LEMD1: variants seen among roughly 807,000 people sequenced by gnomAD.
LEMD1 encodes the protein LEM domain containing 1, also known as LEM domain-containing protein 1.
LEMD1 carries 18 observed loss-of-function variants against 17.4 expected under a neutral mutation model. The ratio of observed to expected loss-of-function variants is 1.04; its 90% confidence interval spans 0.72 to 1.54. The LOEUF is 1.54. Among genes scored for constraint, LEMD1 ranks in the 40% most tolerant of loss-of-function variants. The pLI is 0.00. For synonymous variants in LEMD1, 88 were observed against 77.8 expected, an observed-to-expected ratio of 1.13 and a Z score of -0.69; for missense variants, 195 against 210.4, an observed-to-expected ratio of 0.93 and a Z score of 0.45.
At chr1:205,392,947 C>T (rs538921237) in intron 4 of LEMD1, among the ~76,000 whole-genome samples, 2 of 152,142 alleles carry the variant, frequency 1.3e-5, no homozygotes, top group African/African-American at 2.4e-5. Flanking sequence ...TAATAAAGGA[C>T]ATTATCAAGA....
chr1:205,381,734 T>C lies in LEMD1; in HGVS notation c.470A>G (p.Lys157Arg). 1.2e-6 allele frequency: 2 copies of C among 1,614,252 alleles called. No individual in the cohort carries two copies. Among genetic ancestry groups the C allele is most frequent in the Non-Finnish European group, 1.7e-6 (2 of 1,180,038 alleles). ...GATGAAAATACCAAGCACAGCAAGC[T>C]TCAAGCCCACTGGGAAACCTTCTTC... is the stretch of plus-strand genomic sequence containing the variant. ...WREEGFPVGL[K>R]LAVLGIFIIV... Residue 157 changes from lysine to arginine, a missense_variant, in exon 6 of 6, where the codon AAG (lysine) becomes AGG (arginine). Coordinates refer to ENST00000367153, the MANE Select transcript of LEMD1 (RefSeq NM_001199050.2).
rs756376325 is a variant in LEMD1 at position 205,381,792 on chromosome 1, A to G, written c.412T>C (p.Cys138Arg). The G allele has an allele frequency of 1.2e-6, 2 of 1,614,136 alleles. No homozygotes were observed. Among genetic ancestry groups the G allele is most frequent in the Non-Finnish European group, 1.7e-6 (2 of 1,180,018 alleles). The change falls in exon 6 of 6, where the codon TGC (cysteine) becomes CGC (arginine). Residue 138 changes from cysteine (C) to arginine (R), a missense_variant. Cys to Arg is a radical substitution (Grantham distance 180). Transcript: ENST00000367153. ...CTCTCGATAGTCTGGTCTTCCGCGC[A>G]GTAGTCTCTCTCTTTGGTGATAGTC... is the stretch of plus-strand genomic sequence containing the variant. The part of the protein sequence containing the change: ...YGTITKERDY[C>R]AEDQTIESWR...
At chr1:205,434,296 C>G (rs962358976) in intron 1 of LEMD1, among the ~76,000 whole-genome samples, 1 of 149,818 alleles carries the variant, frequency 6.7e-6, no homozygotes, top group African/African-American at 2.4e-5. Context: ...CTCAGCCTCC[C>G]AAGTAGCTGG....
chr1:205,409,878 T>A (rs192827223), intron 4 of LEMD1, among the ~76,000 whole-genome samples: 1 of 152,280 alleles, frequency 6.6e-6, no homozygotes, highest in Admixed American at 6.5e-5. Context: ...GTTCAAGTGA[T>A]TCTCCTGCCT....
chr1:205,415,883 C>T (rs1665671923), intron 4 of LEMD1, among the ~76,000 whole-genome samples: 1 of 152,160 alleles, frequency 6.6e-6, no homozygotes, highest in Non-Finnish European at 1.5e-5. Context: ...GATGGAAACT[C>T]ACATTTATTC....
rs1663715817 is a variant in LEMD1 at position 205,381,865 on chromosome 1, A to G, written c.348-9T>C. ...GTGCTCTTGCAGCCCACCTGTGAAA[A>G]CATCAGTGGCTCTTAGGATTGTGGA... On this transcript the variant is annotated splice_polypyrimidine_tract_variant and intron_variant, in intron 5 of 5. Transcript: ENST00000367153. 2.5e-6 allele frequency: 4 copies of G among 1,613,890 alleles called. No homozygotes were observed. Among genetic ancestry groups the G allele is most frequent in the Non-Finnish European group, 3.4e-6 (4 of 1,179,956 alleles).
chr1:205,424,322 G>A (rs998561093), upstream of LEMD1, among the ~76,000 whole-genome samples: 4 of 152,212 alleles, frequency 2.6e-5, no homozygotes, highest in Admixed American at 1.3e-4. Flanking sequence ...ATTTCAGGCC[G>A]AATTTACTGC....
chr1:205,422,581 C>T (rs944592058), upstream of LEMD1, among the ~76,000 whole-genome samples: 12 of 152,304 alleles, frequency 7.9e-5, no homozygotes, highest in Non-Finnish European at 8.8e-5. Context: ...CCTCTGGATA[C>T]TCTTATAAGC....
intron 1 of LEMD1, among the ~76,000 whole-genome samples, chr1:205,429,606 C>T (rs1238827019): frequency 6.6e-6 from 1 of 152,032 alleles, no homozygotes; most frequent in African/African-American, 2.4e-5. Context: ...TGGAGATAGC[C>T]GGGGTTGGGG....
At chr1:205,398,310 G>T (rs1345375327) in intron 4 of LEMD1, among the ~76,000 whole-genome samples, 2 of 152,142 alleles carry the variant, frequency 1.3e-5, no homozygotes, top group African/African-American at 4.8e-5. Flanking sequence ...TCTAAAACCT[G>T]TATATACAAC....
At chr1:205,397,153 C>A (rs12090758) in intron 4 of LEMD1, among the ~76,000 whole-genome samples, 2,646 of 152,200 alleles carry the variant, frequency 0.017, 69 homozygotes, top group African/African-American at 0.059. Context: ...TTTGCTTCCG[C>A]GGGAAAACAG....
intron 4 of LEMD1, among the ~76,000 whole-genome samples, chr1:205,405,127 C>A (rs1574969897): frequency 1.3e-5 from 2 of 152,110 alleles, no homozygotes; most frequent in Non-Finnish European, 2.9e-5. Context: ...TCTCTGGCTG[C>A]CCTTAACATT....
At chr1:205,394,792 A>G (rs1017352301) in intron 4 of LEMD1, among the ~76,000 whole-genome samples, 1 of 151,830 alleles carries the variant, frequency 6.6e-6, no homozygotes, top group Non-Finnish European at 1.5e-5. Context: ...TTTGAGACCA[A>G]CCTGACCAAC....
intron 4 of LEMD1, among the ~76,000 whole-genome samples, chr1:205,394,029 G>T (rs1053673672): frequency 1.3e-5 from 2 of 152,070 alleles, no homozygotes; most frequent in African/African-American, 4.8e-5. Flanking sequence ...GCCATAAAAA[G>T]GAATGAAGTG....
intron 1 of LEMD1, chr1:205,436,417 G>T (rs1470624092): frequency 6.6e-6 from 1 of 152,222 alleles, no homozygotes; most frequent in Admixed American, 6.5e-5. Flanking sequence ...TCTTCTTCAT[G>T]ATCTATAGTT....
At chr1:205,424,288 G>T (rs1229012398), upstream of LEMD1, among the ~76,000 whole-genome samples, 6 of 152,224 alleles carry the variant, frequency 3.9e-5, no homozygotes, top group African/African-American at 1.2e-4. Flanking sequence ...AAAGGAAGTG[G>T]AAAGCGGAGG....
chr1:205,448,030 A>C lies in LEMD1; in HGVS notation c.-39+1838T>G, dbSNP rs941471087. 6.6e-6 allele frequency among the ~76,000 whole-genome samples: 1 copy of C among 152,194 alleles called. No individual in the cohort carries two copies. Among genetic ancestry groups the C allele is most frequent in the East Asian group, 1.9e-4 (1 of 5,170 alleles). ...AGGCCTCAGTAATTTGGCAAGGGGG[A>C]AGGAACCGACTCAGAAAGCTCAGCA... On this transcript the variant is annotated intron_variant, in intron 1 of 3. Transcript: ENST00000367154. This position sits in a 1 kb window ranked among gnomAD's most constrained non-coding sequence, Gnocchi z 4.7.
At chr1:205,391,997 G>C (rs376824139) in intron 4 of LEMD1, among the ~76,000 whole-genome samples, 8 of 150,520 alleles carry the variant, frequency 5.3e-5, no homozygotes, top group Admixed American at 5.3e-4. Flanking sequence ...TGTAATCCCA[G>C]CTACTCAGGA....
rs1666443498 is a variant in LEMD1 at position 205,448,593 on chromosome 1, T to C, written c.-39+1275A>G. On this transcript the variant is annotated intron_variant, in intron 1 of 3. Coordinates refer to the LEMD1 transcript ENST00000367154. The surrounding 1 kb of genome is among the most constrained non-coding windows in gnomAD (Gnocchi z 4.7). ...GCCATCCCAGTAATGAGTTTCCAGT[T>C]CTTGCCCTACAAAGGCCTCACACAA... Among the ~76,000 whole-genome samples, 1 of 152,152 alleles carries C rather than the reference T, an allele frequency of 6.6e-6. No homozygotes were observed. Among genetic ancestry groups the C allele is most frequent in the East Asian group, 1.9e-4 (1 of 5,184 alleles).
Sources: gnomAD v4.1 joint callset for allele counts (sites outside exome capture counted in the v4.1 genomes callset) on GRCh38, gnomAD v4.1.1 for gene constraint, Gnocchi (gnomAD v3.1) non-coding constraint, MANE v1.5 for transcripts, NCBI Gene and HGNC (gene_info 2026-07-23, HGNC 2026-07-21) for gene names.